Variants in GPATCH8 observed in about 807,000 individuals in gnomAD.
GPATCH8 encodes G patch domain-containing protein 8.
A neutral mutation model predicts 118.3 loss-of-function variants in GPATCH8; 18 were observed. That is an observed-to-expected ratio of 0.15 (90% confidence interval 0.11 to 0.23). The LOEUF is 0.23. Among genes scored for constraint, GPATCH8 ranks in the 10% least tolerant of loss-of-function variants. GPATCH8 has a pLI of 1.00. For missense variants in GPATCH8, 1,631 were observed against 1,873.8 expected, an observed-to-expected ratio of 0.87 and a Z score of 2.39; for synonymous variants, 659 against 684.7, an observed-to-expected ratio of 0.96 and a Z score of 0.59.
chr17:44,501,548 C>T (rs1970072325), intron 1 of GPATCH8, among the ~76,000 whole-genome samples: 1 of 152,068 alleles, frequency 6.6e-6, no homozygotes, highest in Non-Finnish European at 1.5e-5. Context: ...TTTTGCAATA[C>T]CCAACTAAAG....
intron 5 of GPATCH8, among the ~76,000 whole-genome samples, chr17:44,431,027 T>C (rs1187571789): frequency 6.6e-6 from 1 of 152,016 alleles, no homozygotes; most frequent in Non-Finnish European, 1.5e-5. Context: ...ATGACTAAAA[T>C]GGTAAATTTA....
chr17:44,427,776 G>A (rs1340265494), intron 5 of GPATCH8, among the ~76,000 whole-genome samples: 1 of 152,148 alleles, frequency 6.6e-6, no homozygotes, highest in Non-Finnish European at 1.5e-5. Flanking sequence ...ATATGATAGA[G>A]TTTTTAAAAT....
At chr17:44,446,584 C>T (rs2050891027) in intron 3 of GPATCH8, among the ~76,000 whole-genome samples, 1 of 151,818 alleles carries the variant, frequency 6.6e-6, no homozygotes, top group South Asian at 2.1e-4. Flanking sequence ...AGGAGTTAGA[C>T]AAATCTATAA....
In GPATCH8 at chr17:44,399,462, C is replaced by G. The variant is rs951182020; in HGVS notation, c.2615G>C (p.Ser872Thr). 36 of 1,614,052 alleles carry G rather than the reference C, an allele frequency of 2.2e-5. No individual in the cohort carries two copies. Among genetic ancestry groups the G allele is most frequent in the Non-Finnish European group, 2.8e-5 (33 of 1,180,036 alleles). ...SHRSSRRSYS[S>T]SSDASSDQSC... ...CTGGTCTGAAGAGGCATCTGAGCTA[C>G]TTGAGTAAGAACGCCGGGAGGAACG... Residue 872 changes from serine to threonine, a missense_variant, in exon 8 of 8, where the codon AGT (serine) becomes ACT (threonine). Coordinates refer to ENST00000591680, the MANE Select transcript of GPATCH8 (RefSeq NM_001002909.4).
At chr17:44,501,315 G>A (rs1409946292) in intron 1 of GPATCH8, among the ~76,000 whole-genome samples, 1 of 151,948 alleles carries the variant, frequency 6.6e-6, no homozygotes, top group Non-Finnish European at 1.5e-5. Flanking sequence ...TGCTTGGGAG[G>A]CTGAGGCAGA....
rs1424621598 is a variant in GPATCH8 at position 44,400,346 on chromosome 17, T to C, written c.1731A>G (p.Lys577=). 6.2e-7 allele frequency: 1 copy of C among 1,614,052 alleles called. No individual in the cohort carries two copies. Among genetic ancestry groups the C allele is most frequent in the African/African-American group, 1.3e-5 (1 of 74,936 alleles). ...YSCNPLYFDF[K]LSRNKDARTK... ...TTCTGGCATCTTTGTTCCTTGAAAG[T>C]TTAAAGTCAAAATATAAAGGGTTAC... Residue 577 remains lysine (K), a synonymous_variant, in exon 8 of 8, where the codon AAA becomes AAG. Coordinates refer to ENST00000591680, the MANE Select transcript of GPATCH8 (RefSeq NM_001002909.4).
chr17:44,431,227 C>T (rs950905048), intron 5 of GPATCH8, among the ~76,000 whole-genome samples: 4 of 150,812 alleles, frequency 2.7e-5, no homozygotes, highest in East Asian at 2.0e-4. Flanking sequence ...CAAAATAATT[C>T]GCTGGGTGTG....
At chr17:44,441,198 G>A (rs978415383) in intron 3 of GPATCH8, among the ~76,000 whole-genome samples, 1 of 152,142 alleles carries the variant, frequency 6.6e-6, no homozygotes, top group African/African-American at 2.4e-5. Context: ...GAACAACTGG[G>A]AAGAATATAT....
intron 5 of GPATCH8, among the ~76,000 whole-genome samples, chr17:44,430,893 C>T (rs2050286587): frequency 6.6e-6 from 1 of 151,126 alleles, no homozygotes; most frequent in South Asian, 2.1e-4. Flanking sequence ...TCAAGTGACC[C>T]GCCCACCTTG....
At position 44,500,729 on chromosome 17, in the gene GPATCH8, T is replaced by C. The variant is rs565348215; in HGVS notation, c.45+2597A>G. ...ACAATTTCCAGTGCTACAAGATCTG[T>C]TGAAAGCAACAAGATCTATCCACTG... On this transcript the variant is annotated intron_variant, in intron 1 of 7. Transcript: ENST00000591680. 3.9e-5 allele frequency among the ~76,000 whole-genome samples: 6 copies of C among 152,328 alleles called. No individual in the cohort carries two copies. In the South Asian group the frequency reaches 6.2e-4, roughly 16 times the overall value.
chr17:44,462,532 C>CAAGTTTAA (rs1350820746), intron 3 of GPATCH8, among the ~76,000 whole-genome samples: 2 of 152,090 alleles, frequency 1.3e-5, no homozygotes, highest in African/African-American at 4.8e-5. Flanking sequence ...CACTGGAAAA[C>CAAGTTTAA]AAGTTTAAAG....
chr17:44,396,339 A>C lies in GPATCH8; in HGVS notation c.*1229T>G. ...CCTGTTTCTCTGTGTAAAACAGCAA[A>C]AGTACATGAGGGAGACTGTTAAAGA... is the stretch of plus-strand genomic sequence containing the variant. On this transcript the variant is annotated 3_prime_UTR_variant, in exon 8 of 8. Coordinates refer to ENST00000591680, the MANE Select transcript of GPATCH8 (RefSeq NM_001002909.4). 2.2e-6 allele frequency: 1 copy of C among 454,476 alleles called. No individual in the cohort carries two copies. Among genetic ancestry groups the C allele is most frequent in the Non-Finnish European group, 4.4e-6 (1 of 226,778 alleles). 28.2% of individuals were successfully genotyped at this position (454,476 alleles called of 1,614,324 possible).
chr17:44,429,687 A>ACACACACACACACACACACAC, intron 5 of GPATCH8, among the ~76,000 whole-genome samples: 1 of 73,730 alleles, frequency 1.4e-5, no homozygotes, highest in East Asian at 3.9e-4. Flanking sequence ...CACACACACA[A>ACACACACACACACACACACAC]AACAACAAAC....
At chr17:44,464,581 C>T in intron 2 of GPATCH8, 37 bp from the exon 3 acceptor site, 1 of 1,131,940 alleles carries the variant, frequency 8.8e-7, no homozygotes, top group Non-Finnish European at 1.3e-6. Context: ...CAAAAATATT[C>T]CAATAATATA....
intron 6 of GPATCH8, among the ~76,000 whole-genome samples, chr17:44,412,496 C>T (rs557928297): frequency 4.6e-5 from 7 of 152,194 alleles, no homozygotes; most frequent in Admixed American, 2.0e-4. Context: ...AAGTGATTCT[C>T]GGGCCTCAAC....
intron 6 of GPATCH8, among the ~76,000 whole-genome samples, chr17:44,408,867 C>A (rs2049328733): frequency 6.6e-6 from 1 of 152,010 alleles, no homozygotes; most frequent in Non-Finnish European, 1.5e-5. Flanking sequence ...CTAAGAATAC[C>A]CTATAAGGCT....
At position 44,400,558 on chromosome 17, in the gene GPATCH8, T is replaced by C; in HGVS notation, c.1519A>G (p.Met507Val). 1 of 1,614,008 alleles carries C rather than the reference T, an allele frequency of 6.2e-7. No individual in the cohort carries two copies. Among genetic ancestry groups the C allele is most frequent in the African/African-American group, 1.3e-5 (1 of 75,014 alleles). The change falls in exon 8 of 8, where the codon ATG (methionine) becomes GTG (valine). Residue 507 changes from methionine to valine, a missense_variant. By Grantham distance (21) the Met-to-Val change is conservative. This residue lies in a region of GPATCH8 where 405 missense variants were observed against 462.7 expected (regional missense o/e 0.88). Transcript: ENST00000591680. ...SHSQKVSETQ[M>V]CESNSSKETS... is the part of the protein sequence containing the mutation. ...TCTTTAGAAGAGTTGGACTCACACATTTGGGTCTCTGAAACCTTCTGACTA... is the reference window on the plus strand; with the variant it reads ...TCTTTAGAAGAGTTGGACTCACACACTTGGGTCTCTGAAACCTTCTGACTA...
intron 1 of GPATCH8, among the ~76,000 whole-genome samples, chr17:44,490,669 AG>A (rs1227541146): frequency 6.6e-6 from 1 of 151,686 alleles, no homozygotes; most frequent in East Asian, 1.9e-4. Flanking sequence ...AAAAAAAAAA[AG>A]TATTAGATTT....
At chr17:44,489,343 CTTTT>C (rs920572731) in intron 1 of GPATCH8, among the ~76,000 whole-genome samples, 26 of 150,754 alleles carry the variant, frequency 1.7e-4, no homozygotes, top group Admixed American at 1.6e-3. Flanking sequence ...CCCACCCCCT[CTTTT>C]TTGTTTTTTT....
Sources: allele counts gnomAD v4.1 joint callset (sites outside exome capture counted in the v4.1 genomes callset), GRCh38; gene constraint gnomAD v4.1.1; regional missense constraint gnomAD v4.1.1; transcripts MANE v1.5; gene names NCBI Gene and HGNC (gene_info 2026-07-23, HGNC 2026-07-21).